The following MMP16 variants were observed in gnomAD, a reference collection of about 807,000 sequenced individuals.
MMP16 encodes the protein matrix metalloproteinase-16.
MMP16 carries 12 observed loss-of-function variants against 67.8 expected under a neutral mutation model. The observed-to-expected ratio is 0.18, with a 90% CI of 0.11 to 0.29. The LOEUF (loss-of-function observed/expected upper bound fraction) is 0.29. MMP16 is among the 10% of genes least tolerant of loss of function. The pLI is 1.00. For synonymous variants in MMP16, 249 were observed against 255.9 expected (o/e 0.97, Z 0.26); for missense variants, 475 against 765.7 (o/e 0.62, Z 4.48).
chr8:88,053,673 T>C (rs1808297241), intron 8 of MMP16, among the ~76,000 whole-genome samples: 1 of 152,184 alleles, frequency 6.6e-6, no homozygotes. Context: ...ATAGAGAGTT[T>C]AATGTCTTTT....
Position 88,241,863 on chromosome 8 carries a change from G to A in MMP16, c.133-44557C>T, listed in dbSNP as rs897863063. Among the ~76,000 whole-genome samples the A allele has an allele frequency of 8.6e-5, 13 of 152,008 alleles. No individual in the cohort carries two copies. The South Asian group carries it at 2.7e-3, about 32-fold the overall frequency. On this transcript the variant is annotated intron_variant, in intron 1 of 9. Transcript: ENST00000286614. ...TGTTGAGTATATTCAAAATCCTCTC[G>A]TCTAGCTCTTTGAAAATATACCATA...
At chr8:88,101,485 T>C (rs57289685) in intron 6 of MMP16, among the ~76,000 whole-genome samples, 28,162 of 151,886 alleles carry the variant, frequency 0.19, 3,070 homozygotes, top group Middle Eastern at 0.27. Context: ...TATGTGTCAA[T>C]GGCACATGAA....
chr8:88,092,493 G>T lies in MMP16; in HGVS notation c.1084-17750C>A, dbSNP rs28906392. Among the ~76,000 whole-genome samples the T allele has an allele frequency of 4.5e-3, 690 of 151,846 alleles. 21 individuals carry two copies. Among genetic ancestry groups the T allele is most frequent in the Admixed American group, 0.039 (592 of 15,198 alleles). ...ATTTGTTAATGTCTCAAGTACTTATGTATATTTATGTGATTTTTGACTGTC... is the reference window on the plus strand; with the variant it reads ...ATTTGTTAATGTCTCAAGTACTTATTTATATTTATGTGATTTTTGACTGTC... On this transcript the variant is annotated intron_variant, in intron 6 of 9. Coordinates refer to ENST00000286614, the MANE Select transcript of MMP16 (RefSeq NM_005941.5).
At chr8:88,285,844 C>A (rs141763543) in intron 1 of MMP16, among the ~76,000 whole-genome samples, 12 of 152,184 alleles carry the variant, frequency 7.9e-5, no homozygotes, top group African/African-American at 2.9e-4. Flanking sequence ...TTACTAACGG[C>A]TTTTAAACAA....
At chr8:88,325,136 T>C (rs142470448) in intron 1 of MMP16, among the ~76,000 whole-genome samples, 37 of 152,180 alleles carry the variant, frequency 2.4e-4, no homozygotes, top group African/African-American at 8.7e-4. Flanking sequence ...CATAAACCAT[T>C]TTTCCCCACA....
chr8:88,060,876 T>C (rs977906809), intron 7 of MMP16, among the ~76,000 whole-genome samples: 7 of 151,928 alleles, frequency 4.6e-5, no homozygotes, highest in Admixed American at 2.6e-4. Flanking sequence ...TACTCAAATA[T>C]AGGATCAAAA....
intron 1 of MMP16, among the ~76,000 whole-genome samples, chr8:88,273,583 A>T (rs992142382): frequency 2.6e-5 from 4 of 152,162 alleles, no homozygotes; most frequent in African/African-American, 9.7e-5. Flanking sequence ...ATTTATCAAC[A>T]TGATTTCCTA....
At chr8:88,204,834 A>G (rs777518370) in intron 1 of MMP16, among the ~76,000 whole-genome samples, 2 of 152,188 alleles carry the variant, frequency 1.3e-5, no homozygotes, top group Non-Finnish European at 2.9e-5. Flanking sequence ...ATCAATATCT[A>G]GATATTAGAT....
chr8:88,072,936 AAG>A (rs1193895059), intron 7 of MMP16, among the ~76,000 whole-genome samples: 2 of 152,162 alleles, frequency 1.3e-5, no homozygotes, highest in African/African-American at 2.4e-5. Flanking sequence ...GCCATGCCAC[AAG>A]AGAGTGAGGA....
intron 1 of MMP16, among the ~76,000 whole-genome samples, chr8:88,198,348 G>A (rs1809289104): frequency 6.6e-6 from 1 of 151,948 alleles, no homozygotes; most frequent in Non-Finnish European, 1.5e-5. Flanking sequence ...AAATTGATAA[G>A]GGCCAAGTAA....
At chr8:88,191,555 AT>A (rs894577757) in intron 2 of MMP16, among the ~76,000 whole-genome samples, 7 of 151,924 alleles carry the variant, frequency 4.6e-5, no homozygotes, top group Middle Eastern at 3.4e-3. Flanking sequence ...TAAAACAGGG[AT>A]TTTTTTTGGT....
intron 3 of MMP16, among the ~76,000 whole-genome samples, chr8:88,173,318 C>G (rs1431297593): frequency 1.3e-5 from 2 of 152,108 alleles, no homozygotes; most frequent in African/African-American, 4.8e-5. Flanking sequence ...TCCCAAAGTG[C>G]TGGGATTACA....
intron 3 of MMP16, among the ~76,000 whole-genome samples, chr8:88,183,214 G>A (rs1021753237): frequency 3.3e-5 from 5 of 152,130 alleles, no homozygotes; most frequent in Admixed American, 6.5e-5. Flanking sequence ...TGGTAATAAT[G>A]TACTAGTACT....
intron 3 of MMP16, 51 bp from the exon 4 acceptor site, chr8:88,168,024 A>G: frequency 7.1e-7 from 1 of 1,413,088 alleles, no homozygotes; most frequent in South Asian, 1.4e-5. Context: ...AAGCTAACTT[A>G]GTACAGGTTT....
intron 6 of MMP16, among the ~76,000 whole-genome samples, chr8:88,114,953 T>C (rs906849870): frequency 6.6e-6 from 1 of 151,958 alleles, no homozygotes; most frequent in African/African-American, 2.4e-5. Context: ...ATTTTGTTAG[T>C]CAACAGCACT....
intron 7 of MMP16, among the ~76,000 whole-genome samples, chr8:88,069,915 T>A (rs1319318127): frequency 6.6e-6 from 1 of 152,166 alleles, no homozygotes; most frequent in African/African-American, 2.4e-5. Flanking sequence ...AAATGTTTAC[T>A]AATGTTCTTA....
intron 6 of MMP16, among the ~76,000 whole-genome samples, chr8:88,084,943 C>T (rs553767450): frequency 2.0e-5 from 3 of 152,020 alleles, no homozygotes; most frequent in Admixed American, 2.0e-4. Flanking sequence ...CTGCAACCAA[C>T]ATCTTTGTTC....
In MMP16 at chr8:88,180,346, A is replaced by G. The variant is rs542690556; in HGVS notation, c.404+6130T>C. Among the ~76,000 whole-genome samples, 23 of 152,126 alleles carry G rather than the reference A, an allele frequency of 1.5e-4. No homozygotes were observed. The East Asian group carries it at 4.4e-3, about 29-fold the overall frequency. ...AGCACAGAGTAAAAAAAAACAACAA[A>G]ATTTAACAAAAACAGAAAGCAAGTC... is the stretch of plus-strand genomic sequence containing the variant. On this transcript the variant is annotated intron_variant, in intron 3 of 9. Coordinates refer to ENST00000286614, the MANE Select transcript of MMP16 (RefSeq NM_005941.5).
At chr8:88,081,742 G>A (rs1023020194) in intron 6 of MMP16, among the ~76,000 whole-genome samples, 2 of 152,070 alleles carry the variant, frequency 1.3e-5, no homozygotes, top group African/African-American at 4.8e-5. Context: ...TACATATATT[G>A]TAGTAAAAAC....
Sources: gnomAD v4.1 joint callset for allele counts (sites outside exome capture counted in the v4.1 genomes callset) on GRCh38, gnomAD v4.1.1 for gene constraint, MANE v1.5 for transcripts, NCBI Gene and HGNC (gene_info 2026-07-23, HGNC 2026-07-21) for gene names.